LIPA: variants seen among roughly 807,000 people sequenced by gnomAD.
LIPA encodes lipase A, lysosomal acid type.
LIPA carries 26 observed loss-of-function variants against 40.6 expected under a neutral mutation model. The ratio of observed to expected loss-of-function variants is 0.64; its 90% CI spans 0.47 to 0.89. The LOEUF (loss-of-function observed/expected upper bound fraction) is 0.89. LIPA is among the 40% of genes least tolerant of loss of function. LIPA has a pLI of 0.00. For synonymous variants in LIPA, 188 were observed against 168.4 expected, an observed-to-expected ratio of 1.12 and a Z score of -0.90; for missense variants, 455 against 479.6, an observed-to-expected ratio of 0.95 and a Z score of 0.48.
intron 2 of LIPA, chr10:89,402,532 A>G: frequency 6.8e-6 from 11 of 1,614,136 alleles, no homozygotes; most frequent in Non-Finnish European, 9.3e-6. Flanking sequence ...CAGGAAGAAC[A>G]TGACAACCAA....
intron 3 of LIPA, among the ~76,000 whole-genome samples, chr10:89,239,233 A>AC (rs1223316712): frequency 6.6e-6 from 1 of 152,222 alleles, no homozygotes; most frequent in Non-Finnish European, 1.5e-5. Context: ...TTTATCAGGG[A>AC]CATCATAGCT....
At chr10:89,220,684 G>A (rs1330326455) in intron 8 of LIPA, among the ~76,000 whole-genome samples, 2 of 152,066 alleles carry the variant, frequency 1.3e-5, no homozygotes, top group Non-Finnish European at 2.9e-5. Flanking sequence ...TACTATAAAG[G>A]ACCAGGAGCC....
intron 1 of LIPA, among the ~76,000 whole-genome samples, chr10:89,330,657 G>C (rs1843640697): frequency 6.6e-6 from 1 of 152,212 alleles, no homozygotes; most frequent in Admixed American, 6.5e-5. Flanking sequence ...AAGGATAAGG[G>C]AATGAGGCTC....
intron 1 of LIPA, among the ~76,000 whole-genome samples, chr10:89,331,082 C>G (rs1373138002): frequency 6.6e-6 from 1 of 152,186 alleles, no homozygotes. Context: ...AACAGTACTT[C>G]CAGTGTAGAG....
At chr10:89,284,261 GT>G (rs1439548681) in intron 1 of LIPA, 1 of 152,226 alleles carries the variant, frequency 6.6e-6, no homozygotes, top group African/African-American at 2.4e-5. Flanking sequence ...TAACAAGCAT[GT>G]GTGTTTCTGT....
intron 1 of LIPA, among the ~76,000 whole-genome samples, chr10:89,265,298 T>C (rs1843230041): frequency 6.6e-6 from 1 of 152,074 alleles, no homozygotes; most frequent in Non-Finnish European, 1.5e-5. Flanking sequence ...CAGCTGTAGC[T>C]GTGCCTGGGA....
rs368328509 is a variant in LIPA at position 89,402,888 on chromosome 10, C to T, written c.61+9903G>A. 1.3e-4 allele frequency: 202 copies of T among 1,614,106 alleles called. No homozygotes were observed. Among genetic ancestry groups the T allele is most frequent in the Non-Finnish European group, 1.7e-4 (197 of 1,180,052 alleles). ...AAATCACAAGCCATTTTCTTTGCTT[C>T]CCCTAAGGCAGGCTGTCCGCTTAAA... is the stretch of plus-strand genomic sequence containing the variant. On this transcript the variant is annotated intron_variant, in intron 2 of 8. Transcript: ENST00000371837.
upstream of LIPA, among the ~76,000 whole-genome samples, chr10:89,342,935 G>A (rs1843885618): frequency 6.6e-6 from 1 of 152,220 alleles, no homozygotes; most frequent in South Asian, 2.1e-4. Context: ...CTGGTGAGAA[G>A]CAGGAAATAT....
intron 2 of LIPA, among the ~76,000 whole-genome samples, chr10:89,348,067 G>A (rs77418956): frequency 0.013 from 2,056 of 152,320 alleles, 23 homozygotes; most frequent in Non-Finnish European, 0.02. Context: ...GAGTGAGGAA[G>A]ACATCTGAGG....
At chr10:89,338,604 A>AC (rs1345843468) in intron 1 of LIPA, 1 of 1,490,692 alleles carries the variant, frequency 6.7e-7, no homozygotes, top group African/African-American at 1.4e-5. Context: ...ATTAATGATC[A>AC]CAGGGTGCAG....
At chr10:89,335,614 AAATACATCCAAC>A (rs1490139540) in intron 1 of LIPA, 2 of 151,746 alleles carry the variant, frequency 1.3e-5, no homozygotes, top group African/African-American at 2.4e-5. Context: ...TCGTTGAGGC[AAATACATCCAAC>A]AATACATCCA....
Position 89,329,511 on chromosome 10 carries a change from TC to T in LIPA, c.-2+13099del, listed in dbSNP as rs1266923297. Among the ~76,000 whole-genome samples, 7 of 152,146 alleles carry T rather than the reference TC, an allele frequency of 4.6e-5. No homozygotes were observed. The East Asian group carries it at 1.4e-3, about 29-fold the overall frequency. ...TGGACTCAGGTTCACATCAAGGTGC[TC>T]CTATTTCCAGAGGCTATAGGAACAG... On this transcript the variant is annotated intron_variant, in intron 1 of 5. Transcript: ENST00000282673.
chr10:89,305,883 A>G (rs2133521030), intron 1 of LIPA: 1 of 942,070 alleles, frequency 1.1e-6, no homozygotes, highest in East Asian at 2.4e-5. Context: ...TAGGAGGAGG[A>G]GCATTTTATT....
chr10:89,228,252 A>G lies in LIPA; in HGVS notation c.376T>C (p.Ser126Pro). The part of the protein sequence containing the change: ...WMGNSRGNTW[S>P]RKHKTLSVSQ... ...ACTGAGAGTGTCTTATGTTTCCGAG[A>G]CCAGGTATTTCCTCTGCTGTTGCCC... is the stretch of plus-strand genomic sequence containing the variant. The change falls in exon 4 of 10, where the codon TCT (serine) becomes CCT (proline). Residue 126 changes from serine (S) to proline (P), a missense_variant. Physicochemically the swap from Ser to Pro is moderately conservative, Grantham distance 74. Coordinates refer to ENST00000336233, the MANE Select transcript of LIPA (RefSeq NM_000235.4). 1 of 1,614,164 alleles carries G rather than the reference A, an allele frequency of 6.2e-7. No individual in the cohort carries two copies. Among genetic ancestry groups the G allele is most frequent in the Middle Eastern group, 1.6e-4 (1 of 6,062 alleles).
In LIPA at chr10:89,297,689, A is replaced by C. The variant is rs886459878; in HGVS notation, c.-2+44922T>G. 3.3e-5 allele frequency among the ~76,000 whole-genome samples: 5 copies of C among 152,228 alleles called. No individual in the cohort carries two copies. In the South Asian group the frequency reaches 6.2e-4, roughly 19 times the overall value. Reference sequence around the variant, plus strand: ...GTGACCCTACCCTTAGCAGCACCACAAACTCTGTACTCGGCCTCACAAGTG... The same window carrying C: ...GTGACCCTACCCTTAGCAGCACCACCAACTCTGTACTCGGCCTCACAAGTG... On this transcript the variant is annotated intron_variant, in intron 1 of 5. Coordinates refer to the LIPA transcript ENST00000282673.
chr10:89,243,097 T>G (rs1842982385), intron 3 of LIPA, among the ~76,000 whole-genome samples: 2 of 152,194 alleles, frequency 1.3e-5, no homozygotes, highest in African/African-American at 2.4e-5. Context: ...GCGGGATGCA[T>G]GAGAAGAGGA....
chr10:89,330,651 A>G (rs1267147852), intron 1 of LIPA, among the ~76,000 whole-genome samples: 1 of 152,206 alleles, frequency 6.6e-6, no homozygotes, highest in Non-Finnish European at 1.5e-5. Flanking sequence ...CATTTTAAGG[A>G]TAAGGGAATG....
intron 2 of LIPA, among the ~76,000 whole-genome samples, chr10:89,349,726 T>G (rs1843946512): frequency 6.6e-6 from 1 of 152,200 alleles, no homozygotes; most frequent in African/African-American, 2.4e-5. Context: ...CTCCTCCAAC[T>G]TACAGCTTTC....
chr10:89,312,238 C>T (rs146035411), intron 1 of LIPA, among the ~76,000 whole-genome samples: 4 of 152,112 alleles, frequency 2.6e-5, no homozygotes, highest in East Asian at 3.9e-4. Flanking sequence ...CCCAGGAGTT[C>T]GAGACCAGCC....
Sources: allele counts gnomAD v4.1 joint callset (sites outside exome capture counted in the v4.1 genomes callset), GRCh38; gene constraint gnomAD v4.1.1; transcripts MANE v1.5; gene names NCBI Gene and HGNC (gene_info 2026-07-23, HGNC 2026-07-21).